The following LYPD4 variants were observed in gnomAD, a reference collection of about 807,000 sequenced individuals.
LYPD4 encodes ly6/PLAUR domain-containing protein 4.
A neutral mutation model predicts 18.2 loss-of-function variants in LYPD4; 20 were observed. That is an observed-to-expected ratio of 1.10 (90% CI 0.77 to 1.59). The LOEUF (loss-of-function observed/expected upper bound fraction) is 1.59, where lower values mean the gene tolerates loss of function less well. Ranked by LOEUF, LYPD4 falls within the 40% of genes most tolerant of loss-of-function variation. The probability of loss-of-function intolerance (pLI) is 0.00; values close to 1 mark genes in which losing one functional copy is unlikely to be tolerated. For missense variants in LYPD4, 278 were observed against 300.3 expected, an observed-to-expected ratio of 0.93 and a Z score of 0.55; for synonymous variants, 111 against 118.3, an observed-to-expected ratio of 0.94 and a Z score of 0.40.
chr19:41,839,672 CGTGTGTGTT>C (rs1399093534), intron 1 of LYPD4: 2 of 157,172 alleles, frequency 1.3e-5, no homozygotes, highest in South Asian at 1.1e-4. Flanking sequence ...GTTTCAAACT[CGTGTGTGTT>C]GTGTGTGTGT....
rs782240801 is a variant in LYPD4, at chr19:41,837,915, C to CAAT, written c.538+17_538+19dup. 4 of 1,579,956 alleles carry CAAT rather than the reference C, an allele frequency of 2.5e-6. No homozygotes were observed. Among genetic ancestry groups the CAAT allele is most frequent in the Non-Finnish European group, 3.4e-6 (4 of 1,160,146 alleles). ...TGGCAGAGAGTAGGCATTTGATAAA[C>CAAT]AATATTCCTCTCCTCTCACCTGCCT... On this transcript the variant is annotated intron_variant, in intron 4 of 4. Coordinates refer to ENST00000609812, the MANE Select transcript of LYPD4 (RefSeq NM_173506.7).
rs576490264 is a variant in LYPD4, at chr19:41,837,871, G to GA, written c.538+63dup. ...GATCCCACCAGCCTCTCTGAGATGT[G>GA]AAGGTGCTGGACAATGCCTGGCAGA... On this transcript the variant is annotated intron_variant, in intron 4 of 4. Coordinates refer to ENST00000609812, the MANE Select transcript of LYPD4 (RefSeq NM_173506.7). The GA allele has an allele frequency of 8.3e-5, 121 of 1,459,466 alleles. No homozygotes were observed. The African/African-American group carries it at 1.4e-3, about 17-fold the overall frequency. 90.4% of individuals were successfully genotyped at this position (1,459,466 alleles called of 1,614,324 possible). A position where few individuals can be genotyped will look rare whatever the true frequency, so the allele number is the denominator to read the frequency against.
At chr19:41,842,028 C>T (rs1315247013) in intron 1 of LYPD4, among the ~76,000 whole-genome samples, 2 of 152,170 alleles carry the variant, frequency 1.3e-5, no homozygotes, top group Non-Finnish European at 2.9e-5. Context: ...CCACCTTCAT[C>T]TACAAAGGAA....
At chr19:41,835,642 C>A, downstream of LYPD4, 2 of 272,890 alleles carry the variant, frequency 7.3e-6, no homozygotes, top group Non-Finnish European at 1.1e-5. Flanking sequence ...TGGTCTCCAC[C>A]TAGCCCTGTT....
In LYPD4 at chr19:41,838,188, A is replaced by G. The variant is rs1325348775; in HGVS notation, c.285T>C (p.Leu95=). Residue 95 remains leucine (L), a synonymous_variant, in exon 4 of 5, where the codon CTT becomes CTC. Transcript: ENST00000609812. The part of the protein sequence containing the change: ...SSSYPAQISY[L]VSPPGVSIAS... Reference sequence around the variant, plus strand: ...CAATGGACACTCCGGGTGGGGAAACAAGGTAGGAGATTTGCGCAGGGTAAG... The same window carrying G: ...CAATGGACACTCCGGGTGGGGAAACGAGGTAGGAGATTTGCGCAGGGTAAG... 1 of 1,593,020 alleles carries G rather than the reference A, an allele frequency of 6.3e-7. No individual in the cohort carries two copies. Among genetic ancestry groups the G allele is most frequent in the Non-Finnish European group, 8.6e-7 (1 of 1,167,822 alleles).
downstream of LYPD4, chr19:41,835,706 G>T: frequency 1.2e-6 from 1 of 838,912 alleles, no homozygotes; most frequent in Non-Finnish European, 1.4e-6. Flanking sequence ...AACCTAGATT[G>T]GTCATGGAGG....
rs782716627 is a variant in LYPD4 at position 41,839,245 on chromosome 19, A to T, written c.41T>A (p.Leu14His). Reference protein sequence around the residue: ...QHLRLVQLFCLLGAISTLPRA... With the variant: ...QHLRLVQLFCHLGAISTLPRA... ...AGGCAGAGTGGAGATGGCCCCTAGA[A>T]GGCAGAACAGCTGCACAAGTCTCAA... Residue 14 changes from leucine to histidine, a missense_variant, in exon 2 of 5, where the codon CTT becomes CAT. Transcript: ENST00000609812. 1 of 1,614,170 alleles carries T rather than the reference A, an allele frequency of 6.2e-7. No homozygotes were observed. Among genetic ancestry groups the T allele is most frequent in the East Asian group, 2.2e-5 (1 of 44,884 alleles).
intron 4 of LYPD4, 69 bp downstream of exon 4, chr19:41,837,866 G>T: frequency 7.0e-7 from 1 of 1,438,204 alleles, no homozygotes. Flanking sequence ...GCCTCTCTGA[G>T]ATGTGAAGGT....
At chr19:41,836,010 A>T (rs2073366313), downstream of LYPD4, 1 of 167,552 alleles carries the variant, frequency 6.0e-6, no homozygotes, top group African/African-American at 2.4e-5. Context: ...AGAGAATTAA[A>T]CTGAGCTCCC....
At chr19:41,841,249 C>T (rs1337894571) in intron 1 of LYPD4, among the ~76,000 whole-genome samples, 1 of 151,288 alleles carries the variant, frequency 6.6e-6, no homozygotes, top group Non-Finnish European at 1.5e-5. Flanking sequence ...CTGGGCAACA[C>T]AGTGGCTTAT....
chr19:41,838,021 T>A lies in LYPD4; in HGVS notation c.452A>T (p.Lys151Met). Residue 151 changes from lysine (K) to methionine (M), a missense_variant, in exon 4 of 5, where the codon AAG becomes ATG. Transcript: ENST00000609812. The part of the protein sequence containing the change: ...SCPTCVGEHM[K>M]DCLPNFVTTN... ...GGTGACAAAATTTGGGAGGCAATCC[T>A]TCATGTGCTCGCCCACACAGGTCGG... The A allele has an allele frequency of 6.2e-7, 1 of 1,614,120 alleles. No homozygotes were observed. Among genetic ancestry groups the A allele is most frequent in the Non-Finnish European group, 8.5e-7 (1 of 1,180,010 alleles).
intron 1 of LYPD4, among the ~76,000 whole-genome samples, chr19:41,843,015 T>G (rs556808839): frequency 1.0e-5 from 1 of 100,322 alleles, no homozygotes; most frequent in African/African-American, 3.9e-5. Flanking sequence ...CTGGTTAATA[T>G]GGCAAAACCC....
At chr19:41,842,764 C>CAAAAAAAAAAAAAAAAA (rs782233081) in intron 1 of LYPD4, among the ~76,000 whole-genome samples, 1 of 49,766 alleles carries the variant, frequency 2.0e-5, no homozygotes, top group Non-Finnish European at 3.2e-5. Flanking sequence ...TCCGTCTAAA[C>CAAAAAAAAAAAAAAAAA]AAAAAAAAAA....
downstream of LYPD4, among the ~76,000 whole-genome samples, chr19:41,836,115 C>T (rs1262599554): frequency 6.6e-6 from 1 of 150,512 alleles, no homozygotes; most frequent in African/African-American, 2.4e-5. Flanking sequence ...CACACTCATT[C>T]ACTCAACTTA....
At chr19:41,836,825 C>T (rs967177713), downstream of LYPD4, among the ~76,000 whole-genome samples, 2 of 151,960 alleles carry the variant, frequency 1.3e-5, no homozygotes, top group African/African-American at 2.4e-5. Context: ...GAAACTGAGG[C>T]CCATAAAAAG....
chr19:41,835,431 A>AT (rs2073361622), downstream of LYPD4: 1 of 152,278 alleles, frequency 6.6e-6, no homozygotes, highest in Non-Finnish European at 1.5e-5. Context: ...TTTGAAGGTC[A>AT]TTGATGTCCT....
In LYPD4 at chr19:41,840,859, A is replaced by G. The variant is rs575276055; in HGVS notation, c.-120-1454T>C. 1.8e-3 allele frequency among the ~76,000 whole-genome samples: 271 copies of G among 152,192 alleles called. 1 individual carries two copies. The highest frequency in any genetic ancestry group is 3.3e-3 in the Non-Finnish European group (222 of 68,016). ...AAAAAAAAAATAAAATAAAATATATACATCAAAATTTGAGACACAGCTAAA... is the reference window on the plus strand; with the variant it reads ...AAAAAAAAAATAAAATAAAATATATGCATCAAAATTTGAGACACAGCTAAA... On this transcript the variant is annotated intron_variant, in intron 1 of 4. Coordinates refer to ENST00000609812, the MANE Select transcript of LYPD4 (RefSeq NM_173506.7).
downstream of LYPD4, among the ~76,000 whole-genome samples, chr19:41,836,871 T>G (rs138973275): frequency 4.6e-3 from 703 of 152,150 alleles, 8 homozygotes; most frequent in African/African-American, 0.016. Flanking sequence ...AATCAGACCC[T>G]GATTAGTAGC....
intron 3 of LYPD4, among the ~76,000 whole-genome samples, chr19:41,838,536 T>C (rs2073456153): frequency 6.6e-6 from 1 of 152,020 alleles, no homozygotes; most frequent in Admixed American, 6.6e-5. Flanking sequence ...TCTACCCACT[T>C]ACCCAGCCCA....
Sources: allele counts gnomAD v4.1 joint callset (sites outside exome capture counted in the v4.1 genomes callset), GRCh38; gene constraint gnomAD v4.1.1; transcripts MANE v1.5; gene names NCBI Gene and HGNC (gene_info 2026-07-23, HGNC 2026-07-21).